Variants in PIK3CA observed in about 807,000 individuals in gnomAD.
The protein encoded by PIK3CA is phosphatidylinositol 4,5-bisphosphate 3-kinase catalytic subunit alpha isoform.
In PIK3CA, 27 loss-of-function variants were observed where a neutral mutation model predicts 138.2. The observed-to-expected ratio is 0.20, with a 90% CI of 0.14 to 0.27. The LOEUF is 0.27. PIK3CA is among the 10% of genes least tolerant of loss of function. The pLI, the probability that PIK3CA is intolerant of heterozygous loss-of-function variation, is 1.00. For missense variants in PIK3CA, 544 were observed against 1,277.4 expected, an observed-to-expected ratio of 0.43 and a Z score of 8.75; for synonymous variants, 358 against 413.2, an observed-to-expected ratio of 0.87 and a Z score of 1.62.
chr3:179,173,685 CA>C (rs1723622773), intron 1 of PIK3CA, among the ~76,000 whole-genome samples: 1 of 152,090 alleles, frequency 6.6e-6, no homozygotes, highest in South Asian at 2.1e-4. Context: ...GGTGTATTGA[CA>C]ACAAAGGAAG....
chr3:179,203,583 T>C lies in PIK3CA; in HGVS notation c.853T>C (p.Leu285=), dbSNP rs1724478151. The C allele has an allele frequency of 9.3e-6, 15 of 1,613,970 alleles. No homozygotes were observed. In the East Asian group the frequency reaches 3.3e-4, roughly 36 times the overall value. ...SCIMLGRMPN[L]MLMAKESLYS... Reference sequence around the variant, plus strand: ...TATAATGCTTGGGAGGATGCCCAATTTGATGTTGATGGCTAAAGAAAGCCT... The same window carrying C: ...TATAATGCTTGGGAGGATGCCCAATCTGATGTTGATGGCTAAAGAAAGCCT... The change falls in exon 5 of 21, where the codon TTG becomes CTG. Residue 285 remains leucine (L), a synonymous_variant. Coordinates refer to ENST00000263967, the MANE Select transcript of PIK3CA (RefSeq NM_006218.4).
chr3:179,165,879 A>G (rs1260961289), intron 1 of PIK3CA, among the ~76,000 whole-genome samples: 2 of 152,098 alleles, frequency 1.3e-5, no homozygotes, highest in East Asian at 1.9e-4. Context: ...TTGGTACACT[A>G]TCTTCAGCTT....
Position 179,203,784 on chromosome 3 carries a change from G to A in PIK3CA, c.1054G>A (p.Asp352Asn), listed in dbSNP as rs2108393360. ...CGTGAATGTAAATATTCGAGACATT[G>A]ATAAGGTAAAGTCAAATGCTGATGC... ...TYVNVNIRDIDKIYVRTGIYH... is the reference protein window; with the variant it reads ...TYVNVNIRDINKIYVRTGIYH... Residue 352 changes from aspartate to asparagine, a missense_variant, in exon 5 of 21, where the codon GAT (aspartate) becomes AAT (asparagine). By Grantham distance (23) the Asp-to-Asn change is conservative. Around this residue, in one of 14 missense-constraint regions of PIK3CA, gnomAD observed 234 missense variants for 401.3 expected, o/e 0.58. Coordinates refer to ENST00000263967, the MANE Select transcript of PIK3CA (RefSeq NM_006218.4). The A allele has an allele frequency of 6.2e-7, 1 of 1,603,626 alleles. No homozygotes were observed. The highest frequency in any genetic ancestry group is 8.5e-7 in the Non-Finnish European group (1 of 1,175,652).
chr3:179,207,224 A>AT (rs1724585062), intron 6 of PIK3CA, among the ~76,000 whole-genome samples: 1 of 152,216 alleles, frequency 6.6e-6, no homozygotes, highest in South Asian at 2.1e-4. Context: ...TAGATGCTTT[A>AT]TGATTTCTTT....
intron 1 of PIK3CA, among the ~76,000 whole-genome samples, chr3:179,192,974 C>T (rs2699892): frequency 0.99 from 150,873 of 152,360 alleles, 74,708 homozygotes; most frequent in Middle Eastern, 1. Flanking sequence ...ATTAAGAAAC[C>T]TTCCAGTATA....
chr3:179,153,003 T>TA (rs949360371), intron 1 of PIK3CA, among the ~76,000 whole-genome samples: 3 of 152,032 alleles, frequency 2.0e-5, no homozygotes, highest in Non-Finnish European at 2.9e-5. Flanking sequence ...TTCATCATTC[T>TA]AAAAAAAGGA....
In PIK3CA at chr3:179,210,967, A is replaced by G. The variant is rs183995579; in HGVS notation, c.1539+402A>G. On this transcript the variant is annotated intron_variant, in intron 9 of 20. Coordinates refer to ENST00000263967, the MANE Select transcript of PIK3CA (RefSeq NM_006218.4). ...GGATATGAACTACACTGGTCTACTT[A>G]TATGTGGATTTTTTTCAATAAATAT... Among the ~76,000 whole-genome samples, 418 of 152,344 alleles carry G rather than the reference A, an allele frequency of 2.7e-3. 1 individual carries two copies. The highest frequency in any genetic ancestry group is 9.5e-3 in the African/African-American group (393 of 41,574).
intron 1 of PIK3CA, among the ~76,000 whole-genome samples, chr3:179,186,453 G>A (rs559783551): frequency 6.6e-5 from 10 of 152,324 alleles, no homozygotes; most frequent in Non-Finnish European, 8.8e-5. Context: ...TGAAGAAAAA[G>A]AGAGGAGAGG....
rs386668735 is a variant in PIK3CA, at chr3:179,234,717, TG to T, written c.*355del. On this transcript the variant is annotated 3_prime_UTR_variant, in exon 21 of 21. Coordinates refer to ENST00000263967, the MANE Select transcript of PIK3CA (RefSeq NM_006218.4). This position sits in a 1 kb window ranked among gnomAD's most constrained non-coding sequence, Gnocchi z 5.1. ...GAAATGATGGAGAAGGAAAAAGTGA[TG>T]GTTTTTTTTGTCTTGCAAATGTTCT... 52 of 244,316 alleles carry T rather than the reference TG, an allele frequency of 2.1e-4. No homozygotes were observed. The highest frequency in any genetic ancestry group is 9.2e-4 in the African/African-American group (42 of 45,756). The allele number at this position is 244,316 out of a possible 1,614,324, so 15.1% of individuals were successfully genotyped here.
rs1576948331 is a variant in PIK3CA at position 179,230,775 on chromosome 3, TAGA to T, written c.2936+402_2936+404del. Among the ~76,000 whole-genome samples, 1 of 152,096 alleles carries T rather than the reference TAGA, an allele frequency of 6.6e-6. No individual in the cohort carries two copies. The highest frequency in any genetic ancestry group is 1.9e-4 in the East Asian group (1 of 5,192). Reference sequence around the variant, plus strand: ...TATCAAAATAAATAAAATGAAATAATAGAAGTTCTTTTACCACTTCAGCAAAAA... The same window carrying T: ...TATCAAAATAAATAAAATGAAATAATAGTTCTTTTACCACTTCAGCAAAAA... On this transcript the variant is annotated intron_variant, in intron 20 of 20. Coordinates refer to ENST00000263967, the MANE Select transcript of PIK3CA (RefSeq NM_006218.4). This position sits in a 1 kb window ranked among gnomAD's most constrained non-coding sequence, Gnocchi z 5.4.
At position 179,201,376 on chromosome 3, in the gene PIK3CA, C is replaced by T. The variant is rs1223886939; in HGVS notation, c.649C>T (p.Pro217Ser). Reference sequence around the variant, plus strand: ...TCTGAAAATCAACCATGACTGTGTACCAGAACAAGTAATTGCTGAAGCAAT... The same window carrying T: ...TCTGAAAATCAACCATGACTGTGTATCAGAACAAGTAATTGCTGAAGCAAT... ...YTLKINHDCV[P>S]EQVIAEAIRK... Residue 217 changes from proline (P) to serine (S), a missense_variant, in exon 4 of 21, where the codon CCA becomes TCA. Pro to Ser is a moderately conservative substitution (Grantham distance 74). Around this residue, in one of 14 missense-constraint regions of PIK3CA, gnomAD observed 234 missense variants for 401.3 expected, o/e 0.58. Coordinates refer to ENST00000263967, the MANE Select transcript of PIK3CA (RefSeq NM_006218.4). 6.2e-7 allele frequency: 1 copy of T among 1,613,344 alleles called. No homozygotes were observed. Among genetic ancestry groups the T allele is most frequent in the East Asian group, 2.2e-5 (1 of 44,786 alleles).
intron 6 of PIK3CA, among the ~76,000 whole-genome samples, chr3:179,207,274 G>A (rs1286317420): frequency 6.6e-6 from 1 of 152,066 alleles, no homozygotes; most frequent in Non-Finnish European, 1.5e-5. Flanking sequence ...GAGTCAATTT[G>A]GACTGTATAC....
At chr3:179,190,307 A>ACCCCCCCCCCCCCCC (rs61660360) in intron 1 of PIK3CA, among the ~76,000 whole-genome samples, 5 of 129,622 alleles carry the variant, frequency 3.9e-5, no homozygotes, top group Non-Finnish European at 5.2e-5. Flanking sequence ...TATATAGTGC[A>ACCCCCCCCCCCCCCC]CCCCCCCCAC....
rs1229502837 is a variant in PIK3CA, at chr3:179,230,213, T to C, written c.2785-12T>C. 2 of 1,594,450 alleles carry C rather than the reference T, an allele frequency of 1.3e-6. No individual in the cohort carries two copies. Among genetic ancestry groups the C allele is most frequent in the Non-Finnish European group, 1.7e-6 (2 of 1,168,422 alleles). ...TATATCAAACTATAACATAATTTCT[T>C]ATTTTTGAAAGCTGTTTCATATAGA... On this transcript the variant is annotated splice_polypyrimidine_tract_variant and intron_variant, in intron 19 of 20. Transcript: ENST00000263967. The surrounding 1 kb of genome is among the most constrained non-coding windows in gnomAD (Gnocchi z 5.4).
intron 1 of PIK3CA, among the ~76,000 whole-genome samples, chr3:179,156,941 G>A (rs996339670): frequency 1.3e-5 from 2 of 152,042 alleles, no homozygotes; most frequent in Admixed American, 6.6e-5. Flanking sequence ...GGAGGTTAAT[G>A]TCTTTGGCAA....
chr3:179,171,362 A>T, intron 1 of PIK3CA, among the ~76,000 whole-genome samples: 1 of 152,146 alleles, frequency 6.6e-6, no homozygotes, highest in East Asian at 1.9e-4. Flanking sequence ...TAAAAAGTCA[A>T]TTATCTAAGC....
rs3729677 is a variant in PIK3CA at position 179,204,485 on chromosome 3, C to A, written c.1060-18C>A. ...TGTTGAGTGTATACATTAGTATATA[C>A]CTACTTTTTTCTTTTAGATCTATGT... is the stretch of plus-strand genomic sequence containing the variant. On this transcript the variant is annotated intron_variant, in intron 5 of 20. Transcript: ENST00000263967. 5.2e-3 allele frequency: 6,484 copies of A among 1,256,498 alleles called. 262 individuals are homozygous for A. The African/African-American group carries it at 0.085, about 16-fold the overall frequency. The allele number at this position is 1,256,498 out of a possible 1,614,324, so 77.8% of individuals were successfully genotyped here. A position where few individuals can be genotyped will look rare whatever the true frequency, so the allele number is the denominator to read the frequency against.
At chr3:179,189,120 A>C (rs1445382781) in intron 1 of PIK3CA, among the ~76,000 whole-genome samples, 3 of 152,186 alleles carry the variant, frequency 2.0e-5, no homozygotes, top group Non-Finnish European at 4.4e-5. Flanking sequence ...AGGCTGAGGC[A>C]GGAGAATTGC....
intron 1 of PIK3CA, among the ~76,000 whole-genome samples, chr3:179,185,299 G>T (rs1421470121): frequency 6.6e-6 from 1 of 152,164 alleles, no homozygotes; most frequent in Admixed American, 6.5e-5. Flanking sequence ...AAAGAATCAG[G>T]TCAAGTGATT....
Sources: gnomAD v4.1 joint callset for allele counts (sites outside exome capture counted in the v4.1 genomes callset) on GRCh38, gnomAD v4.1.1 for gene constraint, gnomAD v4.1.1 regional missense constraint, Gnocchi (gnomAD v3.1) non-coding constraint, MANE v1.5 for transcripts, NCBI Gene and HGNC (gene_info 2026-07-23, HGNC 2026-07-21) for gene names.